LRRC4C: variants seen among roughly 807,000 people sequenced by gnomAD.
LRRC4C encodes leucine rich repeat containing 4C, also known as leucine-rich repeat-containing protein 4C.
A neutral mutation model predicts 33.6 loss-of-function variants in LRRC4C; 5 were observed. The observed-to-expected ratio is 0.15, with a 90% CI of 0.08 to 0.31. The LOEUF is 0.31. LRRC4C is among the 10% of genes least tolerant of loss of function. The pLI is 1.00. For missense variants in LRRC4C, 560 were observed against 796.7 expected (o/e 0.70, Z 3.58); for synonymous variants, 329 against 302.0 (o/e 1.09, Z -0.93).
chr11:40,640,973 G>A (rs1354858121), intron 3 of LRRC4C, among the ~76,000 whole-genome samples: 1 of 129,590 alleles, frequency 7.7e-6, no homozygotes, highest in East Asian at 2.3e-4. Flanking sequence ...CCTAGATTGC[G>A]CCACTGCACT....
chr11:40,561,887 T>C (rs183495478), intron 3 of LRRC4C, among the ~76,000 whole-genome samples: 3 of 152,336 alleles, frequency 2.0e-5, no homozygotes, highest in African/African-American at 7.2e-5. Context: ...GGAGCCGAAA[T>C]TGACAAATAG....
At chr11:40,589,048 C>A (rs538743367) in intron 3 of LRRC4C, among the ~76,000 whole-genome samples, 5 of 152,006 alleles carry the variant, frequency 3.3e-5, no homozygotes, top group Admixed American at 1.3e-4. Context: ...CTTTCTGTCT[C>A]GTTGATCTGT....
At chr11:41,231,068 C>G (rs1947770301) in intron 1 of LRRC4C, among the ~76,000 whole-genome samples, 1 of 152,040 alleles carries the variant, frequency 6.6e-6, no homozygotes, top group African/African-American at 2.4e-5. Flanking sequence ...AATGAGATAC[C>G]ATCTCATGTC....
intron 1 of LRRC4C, among the ~76,000 whole-genome samples, chr11:40,947,834 A>C (rs1050635384): frequency 7.2e-5 from 11 of 152,024 alleles, no homozygotes; most frequent in African/African-American, 2.7e-4. Context: ...TCCTCAGACT[A>C]GGGCCTGGAA....
intron 2 of LRRC4C, among the ~76,000 whole-genome samples, chr11:40,890,251 A>G (rs1001193040): frequency 2.0e-5 from 3 of 152,184 alleles, no homozygotes; most frequent in African/African-American, 7.2e-5. Flanking sequence ...TATTTCTCAC[A>G]CTTCTGAAGG....
At chr11:40,241,185 T>G (rs190006067) in intron 5 of LRRC4C, among the ~76,000 whole-genome samples, 4 of 151,798 alleles carry the variant, frequency 2.6e-5, no homozygotes, top group Admixed American at 6.6e-5. Flanking sequence ...GAGGCAGGAG[T>G]GCCTGCAAAA....
At chr11:40,946,030 T>C (rs1318999572) in intron 1 of LRRC4C, among the ~76,000 whole-genome samples, 1 of 152,192 alleles carries the variant, frequency 6.6e-6, no homozygotes, top group Non-Finnish European at 1.5e-5. Flanking sequence ...AATGATCCTG[T>C]TGCTCAGATA....
At chr11:40,885,224 T>C (rs1004361101) in intron 2 of LRRC4C, among the ~76,000 whole-genome samples, 1 of 152,118 alleles carries the variant, frequency 6.6e-6, no homozygotes, top group African/African-American at 2.4e-5. Flanking sequence ...AATAAATTAA[T>C]TGTTAAATTT....
chr11:40,550,143 G>C (rs371456296), intron 3 of LRRC4C, among the ~76,000 whole-genome samples: 1 of 152,182 alleles, frequency 6.6e-6, no homozygotes, highest in Non-Finnish European at 1.5e-5. Flanking sequence ...TATACAGTGA[G>C]AGGTCAACAA....
intron 2 of LRRC4C, among the ~76,000 whole-genome samples, chr11:40,784,125 G>C (rs1257300972): frequency 1.3e-5 from 2 of 151,826 alleles, no homozygotes; most frequent in Non-Finnish European, 2.9e-5. Context: ...TATGTATTAT[G>C]TTCATTTAAT....
chr11:41,450,894 A>G (rs544352938), intron 1 of LRRC4C, among the ~76,000 whole-genome samples: 24 of 152,232 alleles, frequency 1.6e-4, no homozygotes, highest in African/African-American at 4.1e-4. Flanking sequence ...CAAACCTCAA[A>G]TTCCCCTTCC....
Position 40,831,662 on chromosome 11 carries a change from T to A in LRRC4C, c.-407+101973A>T. On this transcript the variant is annotated intron_variant, in intron 2 of 6. Coordinates refer to ENST00000528697, the MANE Select transcript of LRRC4C (RefSeq NM_001258419.2). ...AGAAAAAGAGGTTTAATGGACTCAG[T>A]TCTACATGGCTGCAGAGGCCTCACA... 1.3e-5 allele frequency among the ~76,000 whole-genome samples: 2 copies of A among 152,088 alleles called. 1 individual carries two copies. Among genetic ancestry groups the A allele is most frequent in the East Asian group, 3.9e-4 (2 of 5,192 alleles).
At chr11:41,100,949 C>G (rs537689577) in intron 1 of LRRC4C, among the ~76,000 whole-genome samples, 1 of 152,088 alleles carries the variant, frequency 6.6e-6, no homozygotes, top group African/African-American at 2.4e-5. Context: ...AAAAAGGACT[C>G]CTTATTAAAT....
At chr11:41,183,251 A>T (rs1378170709) in intron 1 of LRRC4C, among the ~76,000 whole-genome samples, 1 of 152,118 alleles carries the variant, frequency 6.6e-6, no homozygotes, top group Non-Finnish European at 1.5e-5. Context: ...ACGTCTTAAC[A>T]CATTTCAGTA....
intron 3 of LRRC4C, among the ~76,000 whole-genome samples, chr11:40,500,325 CACACACACAT>C (rs1565450330): frequency 3.5e-5 from 5 of 143,896 alleles, no homozygotes; most frequent in African/African-American, 1.4e-4. Flanking sequence ...CACACACACA[CACACACACAT>C]TATATATATA....
intron 2 of LRRC4C, among the ~76,000 whole-genome samples, chr11:40,862,564 GAC>G (rs1474821065): frequency 2.0e-5 from 3 of 152,158 alleles, no homozygotes; most frequent in Non-Finnish European, 4.4e-5. Flanking sequence ...CCAAACAACT[GAC>G]TGTTAAAATA....
chr11:41,289,579 G>C (rs1200525959), intron 1 of LRRC4C, among the ~76,000 whole-genome samples: 1 of 152,148 alleles, frequency 6.6e-6, no homozygotes, highest in African/African-American at 2.4e-5. Context: ...ACAGAGAAGA[G>C]GCCACTTGAG....
At chr11:40,279,225 C>G (rs1040720046) in intron 4 of LRRC4C, among the ~76,000 whole-genome samples, 1 of 152,056 alleles carries the variant, frequency 6.6e-6, no homozygotes, top group Non-Finnish European at 1.5e-5. Context: ...ATGTCAAATC[C>G]AAGGCATCAC....
chr11:40,627,272 A>AGT (rs148093191), intron 3 of LRRC4C, among the ~76,000 whole-genome samples: 6 of 108,802 alleles, frequency 5.5e-5, no homozygotes, highest in Non-Finnish European at 9.5e-5. Flanking sequence ...AGAGAGAGAG[A>AGT]GAGCGAGAGA....
Sources: allele counts gnomAD v4.1 joint callset (sites outside exome capture counted in the v4.1 genomes callset), GRCh38; gene constraint gnomAD v4.1.1; transcripts MANE v1.5; gene names NCBI Gene and HGNC (gene_info 2026-07-23, HGNC 2026-07-21).